MYO16: variants seen among roughly 807,000 people sequenced by gnomAD.
MYO16 encodes the protein myosin XVI, also known as unconventional myosin-XVI.
A neutral mutation model predicts 205.3 loss-of-function variants in MYO16; 94 were observed. The observed-to-expected ratio is 0.46, with a 90% CI of 0.39 to 0.54. The LOEUF (loss-of-function observed/expected upper bound fraction) is 0.54. Among genes scored for constraint, MYO16 ranks in the 20% least tolerant of loss-of-function variants. MYO16 has a pLI of 0.00. For missense variants in MYO16, 2,315 were observed against 2,387.5 expected, an observed-to-expected ratio of 0.97 and a Z score of 0.63; for synonymous variants, 988 against 954.0, an observed-to-expected ratio of 1.04 and a Z score of -0.66.
chr13:109,118,639 A>G (rs558404354), intron 28 of MYO16, among the ~76,000 whole-genome samples: 3 of 152,324 alleles, frequency 2.0e-5, no homozygotes, highest in African/African-American at 7.2e-5. Context: ...ACAATGAGTT[A>G]CATCCCACAA....
intron 24 of MYO16, chr13:109,048,223 G>T: frequency 1.9e-6 from 1 of 529,940 alleles, no homozygotes; most frequent in Non-Finnish European, 3.5e-6. Context: ...AAAATATGAT[G>T]GCTAGTCTGC....
chr13:108,737,058 A>T (rs1325092073), intron 4 of MYO16, among the ~76,000 whole-genome samples: 1 of 152,206 alleles, frequency 6.6e-6, no homozygotes, highest in Non-Finnish European at 1.5e-5. Flanking sequence ...GGGGTTTTCT[A>T]GATATACAGT....
chr13:108,546,570 A>C, the MYO16 span, among the ~76,000 whole-genome samples: 1 of 152,126 alleles, frequency 6.6e-6, no homozygotes, highest in Non-Finnish European at 1.5e-5. Flanking sequence ...TTAAATTTCC[A>C]CAGTTGCTCT....
intron 32 of MYO16, among the ~76,000 whole-genome samples, chr13:109,151,587 A>T (rs962611189): frequency 6.6e-6 from 1 of 152,026 alleles, no homozygotes; most frequent in African/African-American, 2.4e-5. Context: ...CATACTGAAA[A>T]CTCTGGCTCA....
intron 1 of MYO16, among the ~76,000 whole-genome samples, chr13:108,597,829 A>G (rs1006601698): frequency 6.6e-6 from 1 of 152,196 alleles, no homozygotes; most frequent in Non-Finnish European, 1.5e-5. Flanking sequence ...AAGGTCTTCT[A>G]TATCTGTGGG....
At position 108,806,699 on chromosome 13, in the gene MYO16, T is replaced by A. The variant is rs774849839; in HGVS notation, c.762T>A (p.Ser254Arg). The A allele has an allele frequency of 1.9e-6, 3 of 1,613,182 alleles. No individual in the cohort carries two copies. ...GVTLLHMACASGYKEVVSLIL... is the reference protein window; with the variant it reads ...GVTLLHMACARGYKEVVSLIL... ...TGCAGTTACACATGGCGTGTGCGAG[T>A]GGCTACAAGGAGGTGGTGTCTCTTA... The change falls in exon 7 of 35, where the codon AGT (serine) becomes AGA (arginine). Residue 254 changes from serine to arginine, a missense_variant. Ser to Arg is a moderately radical substitution (Grantham distance 110). Around this residue, in one of 3 missense-constraint regions of MYO16, gnomAD observed 1,213 missense variants for 1,274.4 expected, o/e 0.95. Transcript: ENST00000457511.
intron 1 of MYO16, among the ~76,000 whole-genome samples, chr13:108,603,402 T>A (rs1337761956): frequency 6.6e-6 from 1 of 152,186 alleles, no homozygotes; most frequent in Non-Finnish European, 1.5e-5. Context: ...TTGGGAAAAA[T>A]TCATGGACTT....
chr13:109,074,858 A>G (rs891063524), intron 27 of MYO16, among the ~76,000 whole-genome samples: 7 of 152,210 alleles, frequency 4.6e-5, no homozygotes, highest in African/African-American at 1.7e-4. Context: ...CCCTTCCCCA[A>G]CATGTAGGGA....
chr13:108,956,334 T>C (rs1156781037), intron 16 of MYO16, among the ~76,000 whole-genome samples: 3 of 151,958 alleles, frequency 2.0e-5, no homozygotes, highest in African/African-American at 4.8e-5. Context: ...CCTCTCCCCA[T>C]CCGTCCTCTT....
intron 2 of MYO16, among the ~76,000 whole-genome samples, chr13:108,703,632 A>T (rs1033794924): frequency 6.6e-5 from 10 of 152,208 alleles, no homozygotes; most frequent in African/African-American, 2.2e-4. Context: ...AACATTCTCC[A>T]GGACAGACCA....
chr13:108,776,918 TG>T (rs1291787345), intron 4 of MYO16, among the ~76,000 whole-genome samples: 4 of 152,176 alleles, frequency 2.6e-5, no homozygotes, highest in African/African-American at 7.2e-5. Context: ...ATGCTGCCTC[TG>T]GGTGGAGAAC....
intron 28 of MYO16, among the ~76,000 whole-genome samples, chr13:109,114,505 T>G (rs1875574923): frequency 6.6e-6 from 1 of 152,216 alleles, no homozygotes; most frequent in Non-Finnish European, 1.5e-5. Flanking sequence ...TCTTGAAAAC[T>G]GAAGAGGTTG....
chr13:108,730,627 G>C (rs549315494), intron 4 of MYO16, among the ~76,000 whole-genome samples: 2 of 152,152 alleles, frequency 1.3e-5, no homozygotes, highest in African/African-American at 4.8e-5. Context: ...ATGACTCCTT[G>C]TGTAACTGAG....
chr13:108,913,240 C>T (rs1176351919), intron 16 of MYO16, among the ~76,000 whole-genome samples: 1 of 152,160 alleles, frequency 6.6e-6, no homozygotes, highest in Non-Finnish European at 1.5e-5. Context: ...ATTCACCACC[C>T]ACCACCCTCC....
chr13:108,912,447 G>C (rs537273020), intron 16 of MYO16, among the ~76,000 whole-genome samples: 2 of 152,064 alleles, frequency 1.3e-5, no homozygotes, highest in East Asian at 3.9e-4. Context: ...TGGTAACCCA[G>C]GCAAAAGTGA....
At chr13:108,656,705 G>A (rs1881261009) in intron 1 of MYO16, among the ~76,000 whole-genome samples, 1 of 151,916 alleles carries the variant, frequency 6.6e-6, no homozygotes, top group African/African-American at 2.4e-5. Flanking sequence ...ATTTCCTTCT[G>A]TTGATTCATT....
At chr13:108,550,313 C>T in the MYO16 span, among the ~76,000 whole-genome samples, 1 of 152,238 alleles carries the variant, frequency 6.6e-6, no homozygotes, top group Admixed American at 6.5e-5. Context: ...ATGCTGTACC[C>T]CTGAGCTTTT....
chr13:109,098,993 G>A (rs564661093), intron 27 of MYO16, among the ~76,000 whole-genome samples: 5 of 152,130 alleles, frequency 3.3e-5, no homozygotes, highest in South Asian at 2.1e-4. Context: ...TAGAATGTTC[G>A]ACCTTGAGTT....
At chr13:108,580,261 C>T in the MYO16 span, among the ~76,000 whole-genome samples, 1 of 152,174 alleles carries the variant, frequency 6.6e-6, no homozygotes, top group African/African-American at 2.4e-5. Context: ...TTTACTAAAT[C>T]ATACCCATAA....
Sources: gnomAD v4.1 joint callset for allele counts (sites outside exome capture counted in the v4.1 genomes callset) on GRCh38, gnomAD v4.1.1 for gene constraint, gnomAD v4.1.1 regional missense constraint, MANE v1.5 for transcripts, NCBI Gene and HGNC (gene_info 2026-07-23, HGNC 2026-07-21) for gene names.